NEK10: variants seen among roughly 807,000 people sequenced by gnomAD.
NEK10 encodes serine/threonine-protein kinase Nek10.
A neutral mutation model predicts 159.8 loss-of-function variants in NEK10; 122 were observed. The ratio of observed to expected loss-of-function variants is 0.76; its 90% CI spans 0.66 to 0.89. The LOEUF (loss-of-function observed/expected upper bound fraction) is 0.89. Ranked by LOEUF, NEK10 falls within the 40% of genes least tolerant of loss-of-function variation. NEK10 has a pLI of 0.00. For missense variants in NEK10, 1,342 were observed against 1,323.1 expected, an observed-to-expected ratio of 1.01 and a Z score of -0.22; for synonymous variants, 466 against 457.1, an observed-to-expected ratio of 1.02 and a Z score of -0.25.
intron 22 of NEK10, among the ~76,000 whole-genome samples, chr3:27,283,979 T>C (rs920014573): frequency 1.3e-5 from 2 of 152,240 alleles, no homozygotes; most frequent in African/African-American, 2.4e-5. Context: ...TTAAGTATTC[T>C]AAGAGTACTT....
chr3:27,266,034 T>C (rs2149374490), intron 22 of NEK10, among the ~76,000 whole-genome samples: 1 of 152,198 alleles, frequency 6.6e-6, no homozygotes, highest in East Asian at 1.9e-4. Context: ...GTCTCGATCC[T>C]GACCTCGTGA....
chr3:27,205,666 T>G (rs1360536636), intron 23 of NEK10, among the ~76,000 whole-genome samples: 2 of 139,286 alleles, frequency 1.4e-5, no homozygotes, highest in Non-Finnish European at 3.0e-5. Flanking sequence ...TGTAGAAAGC[T>G]GAAACTGGAT....
At chr3:27,171,975 A>G in intron 28 of NEK10, 102 bp from the exon 29 acceptor site, 3 of 1,259,678 alleles carry the variant, frequency 2.4e-6, no homozygotes, top group Non-Finnish European at 3.3e-6. Context: ...ACTGGTGAAG[A>G]TGCAGAGAAA....
At chr3:27,308,330 A>G (rs1383920821) in intron 10 of NEK10, among the ~76,000 whole-genome samples, 1 of 152,170 alleles carries the variant, frequency 6.6e-6, no homozygotes, top group Non-Finnish European at 1.5e-5. Flanking sequence ...TGGGGATTAC[A>G]GGGATTACAA....
chr3:27,344,487 T>C, intron 4 of NEK10, 117 bp from the exon 5 acceptor site: 1 of 520,934 alleles, frequency 1.9e-6, no homozygotes, highest in Non-Finnish European at 3.4e-6. Flanking sequence ...CTAACCACTA[T>C]ACTAATGAGG....
At chr3:27,213,497 A>G (rs1331947403) in intron 23 of NEK10, among the ~76,000 whole-genome samples, 1 of 152,226 alleles carries the variant, frequency 6.6e-6, no homozygotes, top group African/African-American at 2.4e-5. Flanking sequence ...ATTGTCCAAT[A>G]TATGACTCCT....
Position 27,109,379 on chromosome 3 carries a change from A to T in NEK10, c.*1893T>A, listed in dbSNP as rs968919059. Among the ~76,000 whole-genome samples the T allele has an allele frequency of 1.0e-4, 5 of 48,792 alleles. No homozygotes were observed. Among genetic ancestry groups the T allele is most frequent in the African/African-American group, 2.4e-4 (5 of 20,768 alleles). The allele number at this position is 48,792 out of a possible 152,430, so 32.0% of individuals were successfully genotyped here. Reference sequence around the variant, plus strand: ...GGGCAACAGAGTGAGACTCTGTCTTAAAAAAAAAAAAAAAAAAAAAGAGTT... The same window carrying T: ...GGGCAACAGAGTGAGACTCTGTCTTTAAAAAAAAAAAAAAAAAAAAGAGTT... On this transcript the variant is annotated 3_prime_UTR_variant, in exon 36 of 36. Transcript: ENST00000691995.
chr3:27,266,668 C>T (rs2040921765), intron 22 of NEK10, among the ~76,000 whole-genome samples: 1 of 152,204 alleles, frequency 6.6e-6, no homozygotes, highest in Non-Finnish European at 1.5e-5. Flanking sequence ...ATCAAATCCA[C>T]CCTTCATCAT....
chr3:27,323,316 G>T (rs943197814), intron 5 of NEK10, among the ~76,000 whole-genome samples: 1 of 152,218 alleles, frequency 6.6e-6, no homozygotes, highest in African/African-American at 2.4e-5. Flanking sequence ...GCTAAGAGCT[G>T]CAGGAGGGAC....
intron 33 of NEK10, among the ~76,000 whole-genome samples, chr3:27,117,078 T>A (rs573275638): frequency 9.8e-5 from 15 of 152,300 alleles, no homozygotes; most frequent in African/African-American, 3.6e-4. Flanking sequence ...ACATTTGTTG[T>A]TTGGTTTTCT....
intron 23 of NEK10, among the ~76,000 whole-genome samples, chr3:27,206,172 A>C (rs1383609631): frequency 6.6e-6 from 1 of 152,148 alleles, no homozygotes; most frequent in Non-Finnish European, 1.5e-5. Context: ...AGACACAAGC[A>C]TTCAGTTTGT....
At chr3:27,329,108 A>G (rs918346476) in intron 5 of NEK10, among the ~76,000 whole-genome samples, 3 of 152,132 alleles carry the variant, frequency 2.0e-5, no homozygotes, top group African/African-American at 7.2e-5. Context: ...TTCTTGTGAT[A>G]GTGAATGAGT....
intron 22 of NEK10, among the ~76,000 whole-genome samples, chr3:27,267,710 T>C (rs1477544761): frequency 1.3e-5 from 2 of 152,188 alleles, no homozygotes; most frequent in African/African-American, 4.8e-5. Context: ...TGAGCCTCCT[T>C]ATCCCCCTAG....
chr3:27,131,419 A>G (rs887482532), intron 32 of NEK10, among the ~76,000 whole-genome samples: 1 of 152,180 alleles, frequency 6.6e-6, no homozygotes, highest in African/African-American at 2.4e-5. Flanking sequence ...GCTAGTATCT[A>G]AGGTCTAGAA....
intron 23 of NEK10, among the ~76,000 whole-genome samples, chr3:27,204,600 A>T (rs1322473913): frequency 4.2e-5 from 5 of 118,942 alleles, no homozygotes; most frequent in Admixed American, 9.7e-5. Context: ...GAGAATGATG[A>T]TTTCCAATTT....
chr3:27,182,237 G>A (rs1484937910), intron 26 of NEK10, among the ~76,000 whole-genome samples: 1 of 152,102 alleles, frequency 6.6e-6, no homozygotes, highest in African/African-American at 2.4e-5. Flanking sequence ...TAATGCATAT[G>A]TTATGTGGTA....
intron 6 of NEK10, among the ~76,000 whole-genome samples, chr3:27,317,466 G>A (rs941752690): frequency 1.3e-5 from 2 of 151,980 alleles, no homozygotes; most frequent in Non-Finnish European, 2.9e-5. Flanking sequence ...AAGTTCCCTG[G>A]GTAATCTGAA....
chr3:27,203,103 T>C (rs1166800160), intron 23 of NEK10, among the ~76,000 whole-genome samples: 1 of 152,162 alleles, frequency 6.6e-6, no homozygotes, highest in African/African-American at 2.4e-5. Flanking sequence ...AACAGGTAGC[T>C]TCCACCCTTG....
At chr3:27,365,146 A>T (rs545735542) in intron 1 of NEK10, among the ~76,000 whole-genome samples, 18 of 152,216 alleles carry the variant, frequency 1.2e-4, no homozygotes, top group Non-Finnish European at 2.2e-4. Context: ...TTTAATAAAG[A>T]AATATTATTT....
Sources: gnomAD v4.1 joint callset for allele counts (sites outside exome capture counted in the v4.1 genomes callset) on GRCh38, gnomAD v4.1.1 for gene constraint, MANE v1.5 for transcripts, NCBI Gene and HGNC (gene_info 2026-07-23, HGNC 2026-07-21) for gene names.